Variants in LIMA1 observed in about 807,000 individuals in gnomAD.
The protein encoded by LIMA1 is LIM domain and actin-binding protein 1.
Under a neutral mutation model 62.6 loss-of-function variants are expected in LIMA1, and 52 were observed. The observed-to-expected ratio is 0.83, with a 90% CI of 0.67 to 1.05. The LOEUF (loss-of-function observed/expected upper bound fraction) is 1.05, where lower values mean the gene tolerates loss of function less well. Among genes scored for constraint, LIMA1 ranks in the 50% least tolerant of loss-of-function variants. The pLI, the probability that LIMA1 is intolerant of heterozygous loss-of-function variation, is 0.00. For synonymous variants in LIMA1, 302 were observed against 317.8 expected, an observed-to-expected ratio of 0.95 and a Z score of 0.53; for missense variants, 780 against 902.2, an observed-to-expected ratio of 0.86 and a Z score of 1.74.
intron 4 of LIMA1, among the ~76,000 whole-genome samples, chr12:50,220,921 T>A (rs1941429415): frequency 6.6e-6 from 1 of 152,142 alleles, no homozygotes; most frequent in Non-Finnish European, 1.5e-5. Context: ...TTACACATCG[T>A]CAAAAACTCG....
chr12:50,226,594 A>C (rs1592536102), intron 3 of LIMA1, among the ~76,000 whole-genome samples: 1 of 152,130 alleles, frequency 6.6e-6, no homozygotes, highest in Admixed American at 6.6e-5. Context: ...TAGTCCTGGC[A>C]CTTTGGGAGG....
intron 6 of LIMA1, chr12:50,201,209 G>T: frequency 9.4e-7 from 1 of 1,064,598 alleles, no homozygotes; most frequent in African/African-American, 1.7e-5. Context: ...AGCAGAGCTT[G>T]TGGTAATGCA....
chr12:50,179,560 C>T (rs996697149), intron 10 of LIMA1, among the ~76,000 whole-genome samples: 9 of 150,940 alleles, frequency 6.0e-5, no homozygotes, highest in Non-Finnish European at 8.8e-5. Context: ...GCCTCAGCCT[C>T]CCGAGTAGCT....
At chr12:50,212,712 T>C (rs1283409083) in intron 4 of LIMA1, among the ~76,000 whole-genome samples, 3 of 152,140 alleles carry the variant, frequency 2.0e-5, no homozygotes, top group Admixed American at 1.3e-4. Flanking sequence ...ATTGTACTAG[T>C]GGTGTTATAA....
chr12:50,209,108 C>T (rs1421321829), intron 4 of LIMA1, among the ~76,000 whole-genome samples: 4 of 149,768 alleles, frequency 2.7e-5, no homozygotes, highest in Non-Finnish European at 5.9e-5. Context: ...CAGGTGTGGG[C>T]CACTGCATCC....
Position 50,268,740 on chromosome 12 carries a change from G to A in LIMA1, c.-24+14680C>T, listed in dbSNP as rs539473959. Among the ~76,000 whole-genome samples the A allele has an allele frequency of 3.9e-5, 6 of 152,186 alleles. No homozygotes were observed. The East Asian group carries it at 1.2e-3, about 29-fold the overall frequency. On this transcript the variant is annotated intron_variant, in intron 1 of 10. Transcript: ENST00000341247. ...AGGCATGAGCCACCACACTGGGTCA[G>A]CAAATATTTATTATTCTCATTTTAC...
At chr12:50,263,337 A>G (rs1455696956) in intron 1 of LIMA1, among the ~76,000 whole-genome samples, 1 of 152,214 alleles carries the variant, frequency 6.6e-6, no homozygotes, top group East Asian at 1.9e-4. Context: ...TGGTATGGCC[A>G]TGAACAAGCC....
At chr12:50,255,573 G>GA (rs201776559) in intron 1 of LIMA1, among the ~76,000 whole-genome samples, 25 of 121,026 alleles carry the variant, frequency 2.1e-4, no homozygotes, top group South Asian at 2.6e-4. Flanking sequence ...GAAAAGAAAA[G>GA]AAAAAAAAAA....
At chr12:50,276,630 G>GAAGGCCGAGGCGGGCAGATT (rs1352988346) in intron 1 of LIMA1, among the ~76,000 whole-genome samples, 1 of 152,120 alleles carries the variant, frequency 6.6e-6, no homozygotes, top group African/African-American at 2.4e-5. Context: ...TAACACTTTG[G>GAAGGCCGAGGCGGGCAGATT]AAGGCCGAGG....
At chr12:50,210,635 T>A (rs1170453370) in intron 4 of LIMA1, among the ~76,000 whole-genome samples, 1 of 152,200 alleles carries the variant, frequency 6.6e-6, no homozygotes, top group Non-Finnish European at 1.5e-5. Context: ...ATTGGGAGCA[T>A]AATCATTTAG....
Position 50,177,736 on chromosome 12 carries a change from A to T in LIMA1, c.1608T>A (p.Thr536=), listed in dbSNP as rs776535993. 4.3e-6 allele frequency: 7 copies of T among 1,614,024 alleles called. No individual in the cohort carries two copies. Among genetic ancestry groups the T allele is most frequent in the African/African-American group, 1.3e-5 (1 of 75,032 alleles). ...AGGCACTTCCTGAACTTCCAAGTTC[A>T]GTGGGGGGTGGCCAGGCGATCCTCA... ...KKLRIAWPPP[T]ELGSSGSALE... The change falls in exon 11 of 11, where the codon ACT becomes ACA. Residue 536 remains threonine (T), a synonymous_variant. Coordinates refer to ENST00000341247, the MANE Select transcript of LIMA1 (RefSeq NM_016357.5).
In LIMA1 at chr12:50,248,647, C is replaced by T. The variant is rs1941884681; in HGVS notation, c.105G>A (p.Val35=). 1 of 1,608,984 alleles carries T rather than the reference C, an allele frequency of 6.2e-7. No homozygotes were observed. The highest frequency in any genetic ancestry group is 1.3e-5 in the African/African-American group (1 of 74,792). The change falls in exon 2 of 11, where the codon GTG becomes GTA. Residue 35 remains valine (V), a synonymous_variant. Transcript: ENST00000341247. ...TCAGCACTTACTTGGAGAATATTTC[C>T]ACAATAGCCGATGACTTGTTCTTGT... is the stretch of plus-strand genomic sequence containing the variant. ...LVNKNKSSAI[V]EIFSKYQKAA...
At chr12:50,251,799 G>C (rs1941934658) in intron 1 of LIMA1, among the ~76,000 whole-genome samples, 1 of 152,168 alleles carries the variant, frequency 6.6e-6, no homozygotes, top group Non-Finnish European at 1.5e-5. Context: ...ATACAGCTAG[G>C]AGAGGCACAC....
In LIMA1 at chr12:50,177,634, A is replaced by G. The variant is rs767454940; in HGVS notation, c.1710T>C (p.Asp570=). 2 of 1,608,492 alleles carry G rather than the reference A, an allele frequency of 1.2e-6. No homozygotes were observed. The highest frequency in any genetic ancestry group is 3.4e-5 in the Admixed American group (2 of 58,872). The change falls in exon 11 of 11, where the codon GAT becomes GAC. Residue 570 remains aspartate, a synonymous_variant. Coordinates refer to ENST00000341247, the MANE Select transcript of LIMA1 (RefSeq NM_016357.5). ...DEISKPEVPE[D]VDLDLKKLRR... ...TTAGCTTCTTCAGATCTAGATCGAC[A>G]TCCTCAGGAACTTCGGGCTTGCTGA...
chr12:50,209,533 T>C (rs1231197015), intron 4 of LIMA1, among the ~76,000 whole-genome samples: 1 of 127,196 alleles, frequency 7.9e-6, no homozygotes, highest in Non-Finnish European at 1.5e-5. Flanking sequence ...GTGCCACTGC[T>C]CTCCAGGCTA....
chr12:50,197,762 G>A (rs752751657), intron 7 of LIMA1, among the ~76,000 whole-genome samples: 10 of 151,560 alleles, frequency 6.6e-5, no homozygotes, highest in Non-Finnish European at 1.0e-4. Flanking sequence ...GGATAAAGAT[G>A]GGGATATTTC....
At chr12:50,259,722 C>T (rs2138668409) in intron 1 of LIMA1, among the ~76,000 whole-genome samples, 1 of 152,276 alleles carries the variant, frequency 6.6e-6, no homozygotes, top group African/African-American at 2.4e-5. Context: ...TGCTACTGTT[C>T]TTGGAAGAGC....
intron 4 of LIMA1, among the ~76,000 whole-genome samples, chr12:50,207,176 C>T (rs1054240407): frequency 1.1e-4 from 16 of 152,132 alleles, no homozygotes; most frequent in Non-Finnish European, 1.8e-4. Context: ...CCGCCCACCT[C>T]GGCCTCCCAA....
intron 7 of LIMA1, among the ~76,000 whole-genome samples, chr12:50,197,537 A>G (rs1219686539): frequency 6.6e-6 from 1 of 152,120 alleles, no homozygotes; most frequent in Non-Finnish European, 1.5e-5. Context: ...AAGAATATGT[A>G]TTGTCTTTAT....
Sources: allele counts gnomAD v4.1 joint callset (sites outside exome capture counted in the v4.1 genomes callset), GRCh38; gene constraint gnomAD v4.1.1; transcripts MANE v1.5; gene names NCBI Gene and HGNC (gene_info 2026-07-23, HGNC 2026-07-21).